The following CLRN1 variants were observed in gnomAD, a reference collection of about 807,000 sequenced individuals.
CLRN1 encodes clarin-1.
Under a neutral mutation model 18.7 loss-of-function variants are expected in CLRN1, and 15 were observed. The ratio of observed to expected loss-of-function variants is 0.80; its 90% CI spans 0.54 to 1.23. The LOEUF (loss-of-function observed/expected upper bound fraction) is 1.23. Among genes scored for constraint, CLRN1 ranks in the 50% most tolerant of loss-of-function variants. The probability of loss-of-function intolerance (pLI) is 0.00; values close to 1 mark genes in which losing one functional copy is unlikely to be tolerated. For synonymous variants in CLRN1, 104 were observed against 102.9 expected (o/e 1.01, Z -0.07); for missense variants, 311 against 277.5 (o/e 1.12, Z -0.86).
chr3:150,971,152 G>A lies in CLRN1; in HGVS notation c.253+1304C>T, dbSNP rs529157790. Among the ~76,000 whole-genome samples the A allele has an allele frequency of 1.2e-4, 18 of 151,674 alleles. No individual in the cohort carries two copies. The South Asian group carries it at 3.8e-3, about 32-fold the overall frequency. On this transcript the variant is annotated intron_variant, in intron 1 of 2. Transcript: ENST00000327047. ...TCTCTCTCAACTTTTTTCCTTTTCGGTTTTTTAATACAGTTGCATATCACA... is the reference window on the plus strand; with the variant it reads ...TCTCTCTCAACTTTTTTCCTTTTCGATTTTTTAATACAGTTGCATATCACA...
intron 2 of CLRN1, among the ~76,000 whole-genome samples, chr3:150,937,319 T>C (rs1199775592): frequency 6.6e-6 from 1 of 152,198 alleles, no homozygotes; most frequent in East Asian, 1.9e-4. Flanking sequence ...CAGTGCCTAT[T>C]ATAATGGCTG....
intron 1 of CLRN1, among the ~76,000 whole-genome samples, chr3:150,967,614 G>A (rs1715325791): frequency 6.6e-6 from 1 of 152,106 alleles, no homozygotes; most frequent in Non-Finnish European, 1.5e-5. Flanking sequence ...CTTCCACACA[G>A]ACCATAGGGG....
chr3:150,960,543 T>C (rs1490117948), intron 1 of CLRN1, among the ~76,000 whole-genome samples: 1 of 152,206 alleles, frequency 6.6e-6, no homozygotes, highest in East Asian at 1.9e-4. Context: ...GCAGGAACTT[T>C]GGATTTATGG....
intron 2 of CLRN1, among the ~76,000 whole-genome samples, chr3:150,936,556 G>A (rs1039169741): frequency 3.9e-5 from 6 of 152,066 alleles, no homozygotes; most frequent in African/African-American, 1.2e-4. Flanking sequence ...CATTTTGAAT[G>A]TACTTTCAGA....
intron 2 of CLRN1, among the ~76,000 whole-genome samples, chr3:150,931,942 C>G (rs1713175034): frequency 6.6e-6 from 1 of 152,176 alleles, no homozygotes; most frequent in South Asian, 2.1e-4. Flanking sequence ...TGGAGTATAA[C>G]CAGGCACAAG....
intron 1 of CLRN1, 142 bp from the exon 2 acceptor site, chr3:150,941,903 AT>A (rs1038088513): frequency 2.6e-6 from 2 of 775,162 alleles, no homozygotes; most frequent in African/African-American, 3.5e-5. Flanking sequence ...TTACTAACTT[AT>A]AAGGGGTTTA....
rs1215247240 is a variant in CLRN1 at position 150,972,585 on chromosome 3, T to G, written c.124A>C (p.Thr42Pro). Residue 42 changes from threonine to proline, a missense_variant, in exon 1 of 3, where the codon ACG becomes CCG. Transcript: ENST00000327047. ...LWIKATVLCKTGALLVNASGQ... is the reference protein window; with the variant it reads ...LWIKATVLCKPGALLVNASGQ... ...GAGGCATTGACGAGCAGAGCTCCCG[T>G]TTTGCAGAGGACAGTGGCTTTGATC... 6.2e-7 allele frequency: 1 copy of G among 1,614,094 alleles called. No homozygotes were observed. The highest frequency in any genetic ancestry group is 8.5e-7 in the Non-Finnish European group (1 of 1,180,052).
rs768357756 is a variant in CLRN1 at position 150,941,614 on chromosome 3, G to A, written c.401C>T (p.Pro134Leu). 138 of 1,613,948 alleles carry A rather than the reference G, an allele frequency of 8.6e-5. No homozygotes were observed. In the Middle Eastern group the frequency reaches 1.5e-3, roughly 17 times the overall value. Residue 134 changes from proline (P) to leucine (L), a missense_variant, in exon 2 of 3, where the codon CCC becomes CTC. Physicochemically the swap from Pro to Leu is moderately conservative, Grantham distance 98. Transcript: ENST00000327047. ...GAAGCTCAAAAGGTACAGCCCTAGG[G>A]GACCATGCAGAGTTTCAAAAGGTTT... Reference protein sequence around the residue: ...FGKPFETLHGPLGLYLLSFIS... With the variant: ...FGKPFETLHGLLGLYLLSFIS...
intron 1 of CLRN1, chr3:150,943,750 C>A: frequency 6.2e-7 from 1 of 1,611,710 alleles, no homozygotes; most frequent in South Asian, 1.1e-5. Flanking sequence ...ACACTGCTGT[C>A]CACAGATGGC....
chr3:150,956,089 C>T (rs1714725012), intron 1 of CLRN1, among the ~76,000 whole-genome samples: 1 of 152,118 alleles, frequency 6.6e-6, no homozygotes, highest in Admixed American at 6.6e-5. Context: ...TTTTGCCAAA[C>T]GGATGCCCTG....
intron 1 of CLRN1, among the ~76,000 whole-genome samples, chr3:150,968,599 T>C: frequency 6.6e-6 from 1 of 152,240 alleles, no homozygotes; most frequent in Non-Finnish European, 1.5e-5. Flanking sequence ...CAAACATGAC[T>C]ACATTGCCAA....
At chr3:150,968,741 A>G (rs1380585783) in intron 1 of CLRN1, among the ~76,000 whole-genome samples, 1 of 152,238 alleles carries the variant, frequency 6.6e-6, no homozygotes, top group African/African-American at 2.4e-5. Context: ...TTCAATTAAA[A>G]TATGAACACC....
rs563327663 is a variant in CLRN1 at position 150,927,625 on chromosome 3, A to T, written c.*311T>A. ...CCTTTGATATCTTTTTGATAGGAAG[A>T]CATCTTACACACACACACACACACA... On this transcript the variant is annotated 3_prime_UTR_variant, in exon 3 of 3. Coordinates refer to ENST00000327047, the MANE Select transcript of CLRN1 (RefSeq NM_174878.3). 20 of 497,064 alleles carry T rather than the reference A, an allele frequency of 4.0e-5. No individual in the cohort carries two copies. In the African/African-American group the frequency reaches 4.1e-4, roughly 10 times the overall value. 30.8% of individuals were successfully genotyped at this position (497,064 alleles called of 1,614,324 possible). A position where few individuals can be genotyped will look rare whatever the true frequency, so the allele number is the denominator to read the frequency against.
At chr3:150,941,232 T>C (rs1163209406) in intron 2 of CLRN1, among the ~76,000 whole-genome samples, 3 of 150,496 alleles carry the variant, frequency 2.0e-5, no homozygotes, top group Non-Finnish European at 4.4e-5. Flanking sequence ...TATATGTATA[T>C]TCCCTATATT....
chr3:150,954,943 A>G (rs1009869729), intron 1 of CLRN1, among the ~76,000 whole-genome samples: 1 of 152,242 alleles, frequency 6.6e-6, no homozygotes, highest in Non-Finnish European at 1.5e-5. Flanking sequence ...CCACACAAAA[A>G]TCTGTATGCA....
intron 1 of CLRN1, among the ~76,000 whole-genome samples, chr3:150,968,136 G>C (rs181107921): frequency 1.3e-5 from 2 of 151,998 alleles, no homozygotes; most frequent in African/African-American, 4.8e-5. Flanking sequence ...GAACTATCTT[G>C]GCAATGAATA....
At chr3:150,959,073 A>G (rs754691928) in intron 1 of CLRN1, among the ~76,000 whole-genome samples, 21 of 152,248 alleles carry the variant, frequency 1.4e-4, no homozygotes, top group Non-Finnish European at 2.6e-4. Context: ...ACTTGTTATT[A>G]AAACATGACC....
intron 1 of CLRN1, among the ~76,000 whole-genome samples, chr3:150,963,554 G>T (rs1277585306): frequency 1.3e-5 from 2 of 152,066 alleles, no homozygotes; most frequent in Non-Finnish European, 2.9e-5. Flanking sequence ...CACAGAATTA[G>T]AAAAAACTAC....
At chr3:150,972,069 C>T (rs991820524) in intron 1 of CLRN1, among the ~76,000 whole-genome samples, 9 of 152,228 alleles carry the variant, frequency 5.9e-5, no homozygotes, top group African/African-American at 1.7e-4. Flanking sequence ...TGGTTAAATA[C>T]GGAGCCCATG....
Sources: gnomAD v4.1 joint callset for allele counts (sites outside exome capture counted in the v4.1 genomes callset) on GRCh38, gnomAD v4.1.1 for gene constraint, MANE v1.5 for transcripts, NCBI Gene and HGNC (gene_info 2026-07-23, HGNC 2026-07-21) for gene names.